CACNA1C: variants seen among roughly 807,000 people sequenced by gnomAD.
The protein encoded by CACNA1C is voltage-dependent L-type calcium channel subunit alpha-1C.
CACNA1C carries 30 observed loss-of-function variants against 229.0 expected under a neutral mutation model. The ratio of observed to expected loss-of-function variants is 0.13; its 90% confidence interval spans 0.10 to 0.18. The LOEUF (loss-of-function observed/expected upper bound fraction) is 0.18, where lower values mean the gene tolerates loss of function less well. Among genes scored for constraint, CACNA1C ranks in the 10% least tolerant of loss-of-function variants. The pLI is 1.00. For missense variants in CACNA1C, 1,658 were observed against 2,845.0 expected (o/e 0.58, Z 9.49); for synonymous variants, 1,114 against 1,132.5 (o/e 0.98, Z 0.33).
intron 7 of CACNA1C, among the ~76,000 whole-genome samples, chr12:2,494,653 T>C (rs974408902): frequency 1.3e-5 from 2 of 152,228 alleles, no homozygotes; most frequent in African/African-American, 2.4e-5. Context: ...AAGAGAGGCG[T>C]TGACTTCTTC....
At chr12:2,302,538 C>A (rs112063538) in intron 3 of CACNA1C, among the ~76,000 whole-genome samples, 3 of 152,124 alleles carry the variant, frequency 2.0e-5, no homozygotes, top group African/African-American at 7.2e-5. Context: ...GGGACATTTC[C>A]ACTTTGCTGG....
At chr12:2,674,366 A>C in intron 38 of CACNA1C, 175 bp from the exon 39 acceptor site, 2 of 858,466 alleles carry the variant, frequency 2.3e-6, no homozygotes, top group Non-Finnish European at 3.5e-6. Context: ...AGGAAGGGGA[A>C]GAGGAAGGAG....
chr12:2,434,946 A>G (rs2099119911), intron 3 of CACNA1C, among the ~76,000 whole-genome samples: 1 of 151,986 alleles, frequency 6.6e-6, no homozygotes, highest in Non-Finnish European at 1.5e-5. Context: ...GGCACATATC[A>G]CCCTTTGATC....
rs570270873 is a variant in CACNA1C, at chr12:2,682,402, G to A, written c.5445-148G>A. On this transcript the variant is annotated intron_variant, in intron 42 of 46. Transcript: ENST00000399655. ...GCAATCACAGGAGAACAAAGCACCA[G>A]CAACTGTATGCCTGTTCACGTGTGT... 13 of 934,280 alleles carry A rather than the reference G, an allele frequency of 1.4e-5. No individual in the cohort carries two copies. The South Asian group carries it at 2.0e-4, about 14-fold the overall frequency. 57.9% of individuals were successfully genotyped at this position (934,280 alleles called of 1,614,324 possible).
chr12:2,088,077 A>G (rs888394096), intron 1 of CACNA1C, among the ~76,000 whole-genome samples: 1 of 152,232 alleles, frequency 6.6e-6, no homozygotes, highest in African/African-American at 2.4e-5. Context: ...ATGAATTTTC[A>G]GGAGGTTTGA....
chr12:2,442,364 G>A (rs2099237233), intron 3 of CACNA1C, among the ~76,000 whole-genome samples: 1 of 152,080 alleles, frequency 6.6e-6, no homozygotes, highest in Non-Finnish European at 1.5e-5. Flanking sequence ...CCCCCCAGTT[G>A]CCAGTAGGAG....
chr12:2,420,898 G>A (rs901135056), intron 3 of CACNA1C, among the ~76,000 whole-genome samples: 2 of 152,206 alleles, frequency 1.3e-5, no homozygotes, highest in East Asian at 1.9e-4. Context: ...CTGGAGCCCC[G>A]AATGTCCTTG....
chr12:2,433,946 A>G (rs1028517477), intron 3 of CACNA1C, among the ~76,000 whole-genome samples: 1 of 152,210 alleles, frequency 6.6e-6, no homozygotes, highest in Admixed American at 6.5e-5. Context: ...AAGCAATAAT[A>G]GTGGTGATTT....
chr12:2,072,945 A>G (rs758864738), intron 1 of CACNA1C, among the ~76,000 whole-genome samples: 76 of 152,170 alleles, frequency 5.0e-4, no homozygotes, highest in Non-Finnish European at 1.0e-3. Flanking sequence ...AGTGTCTACT[A>G]GATACCAGAC....
chr12:2,397,247 C>T (rs144629495), intron 3 of CACNA1C, among the ~76,000 whole-genome samples: 2 of 152,310 alleles, frequency 1.3e-5, no homozygotes, highest in African/African-American at 4.8e-5. Context: ...GAAGAGTAAA[C>T]AGGTATTGGG....
chr12:2,517,236 A>G (rs2099798880), intron 9 of CACNA1C, among the ~76,000 whole-genome samples: 2 of 152,202 alleles, frequency 1.3e-5, no homozygotes, highest in African/African-American at 4.8e-5. Context: ...AATGGCATGG[A>G]GCGTTGCTCT....
chr12:2,047,041 T>C (rs765125), intron 1 of CACNA1C, among the ~76,000 whole-genome samples: 81,636 of 152,152 alleles, frequency 0.54, 24,165 homozygotes, highest in African/African-American at 0.78. Context: ...CAAAGCCTTC[T>C]TCTCTCCTCC....
At chr12:2,515,467 G>A (rs1293340304) in intron 9 of CACNA1C, among the ~76,000 whole-genome samples, 1 of 152,212 alleles carries the variant, frequency 6.6e-6, no homozygotes, top group African/African-American at 2.4e-5. Flanking sequence ...TGAAGCATGT[G>A]TGTTTCAATT....
At chr12:2,627,707 G>C (rs759365714) in intron 29 of CACNA1C, among the ~76,000 whole-genome samples, 4 of 152,098 alleles carry the variant, frequency 2.6e-5, no homozygotes, top group Non-Finnish European at 5.9e-5. Flanking sequence ...ACCCCACCGT[G>C]GCAGCCTCCA....
intron 11 of CACNA1C, among the ~76,000 whole-genome samples, chr12:2,565,322 CCGGGCGCGGTGG>C (rs2050013001): frequency 6.6e-6 from 1 of 151,734 alleles, no homozygotes; most frequent in Non-Finnish European, 1.5e-5. Context: ...AAAAAATTAG[CCGGGCGCGGTGG>C]CGGGCGCCTG....
At chr12:2,356,740 G>A (rs995838027) in intron 3 of CACNA1C, among the ~76,000 whole-genome samples, 7 of 152,342 alleles carry the variant, frequency 4.6e-5, no homozygotes, top group East Asian at 3.9e-4. Context: ...TCTTCCCTGC[G>A]TCCAGGCAGG....
intron 30 of CACNA1C, chr12:2,641,526 T>C (rs2093693094): frequency 1.7e-6 from 1 of 590,390 alleles, no homozygotes; most frequent in Admixed American, 2.9e-5. Context: ...TTCTCATTGC[T>C]GGAGCCTCCT....
At position 2,654,954 on chromosome 12, in the gene CACNA1C, C is replaced by T. The variant is rs1374239399; in HGVS notation, c.4141-193C>T. ...GGGCACTTTGATTCTCATGCTTGTC[C>T]AGTGTAGGGATTTGGGCTCAGGGGC... is the stretch of plus-strand genomic sequence containing the variant. On this transcript the variant is annotated intron_variant, in intron 33 of 46. Coordinates refer to ENST00000399655, the MANE Select transcript of CACNA1C (RefSeq NM_000719.7). This position sits in a 1 kb window ranked among gnomAD's most constrained non-coding sequence, Gnocchi z 4.4. Among the ~76,000 whole-genome samples, 2 of 152,156 alleles carry T rather than the reference C, an allele frequency of 1.3e-5. No homozygotes were observed. Among genetic ancestry groups the T allele is most frequent in the East Asian group, 1.9e-4 (1 of 5,188 alleles).
At chr12:2,341,801 A>G (rs941052529) in intron 3 of CACNA1C, among the ~76,000 whole-genome samples, 9 of 152,194 alleles carry the variant, frequency 5.9e-5, no homozygotes, top group Non-Finnish European at 1.3e-4. Flanking sequence ...TTGACTGGCA[A>G]GGAAGTGATT....
Sources: gnomAD v4.1 joint callset for allele counts (sites outside exome capture counted in the v4.1 genomes callset) on GRCh38, gnomAD v4.1.1 for gene constraint, Gnocchi (gnomAD v3.1) non-coding constraint, MANE v1.5 for transcripts, NCBI Gene and HGNC (gene_info 2026-07-23, HGNC 2026-07-21) for gene names.